The following PTPRD variants were observed in gnomAD, a reference collection of about 807,000 sequenced individuals.
The protein encoded by PTPRD is protein tyrosine phosphatase receptor type D.
In PTPRD, 34 loss-of-function variants were observed where a neutral mutation model predicts 214.5. The ratio of observed to expected loss-of-function variants is 0.16; its 90% CI spans 0.12 to 0.21. The LOEUF (loss-of-function observed/expected upper bound fraction) is 0.21, where lower values mean the gene tolerates loss of function less well. PTPRD is among the 10% of genes least tolerant of loss of function. The pLI is 1.00. For missense variants in PTPRD, 2,545 were observed against 2,398.7 expected, an observed-to-expected ratio of 1.06 and a Z score of -1.27; for synonymous variants, 1,128 against 845.7, an observed-to-expected ratio of 1.33 and a Z score of -5.79.
At chr9:10,068,137 G>C (rs2097917825) in intron 3 of PTPRD, among the ~76,000 whole-genome samples, 1 of 151,918 alleles carries the variant, frequency 6.6e-6, no homozygotes, top group Admixed American at 6.6e-5. Flanking sequence ...TGAGTTTATA[G>C]AGTTGTTTTT....
chr9:9,844,778 A>G (rs1484042725), intron 5 of PTPRD, among the ~76,000 whole-genome samples: 4 of 151,750 alleles, frequency 2.6e-5, no homozygotes, highest in Admixed American at 2.6e-4. Flanking sequence ...GAGTTTTAGA[A>G]TACTTAAAAC....
At position 8,317,767 on chromosome 9, in the gene PTPRD, G is replaced by C. The variant is rs931185981; in HGVS notation, c.*107C>G. ...TGTGTAATAGTCCCACTAAGTAGTTGTTAGCTAGAAGTTAAGAAGGACTTC... is the reference window on the plus strand; with the variant it reads ...TGTGTAATAGTCCCACTAAGTAGTTCTTAGCTAGAAGTTAAGAAGGACTTC... On this transcript the variant is annotated 3_prime_UTR_variant, in exon 46 of 46. Coordinates refer to ENST00000381196, the MANE Select transcript of PTPRD (RefSeq NM_002839.4). The C allele has an allele frequency of 8.7e-6, 8 of 915,298 alleles. No individual in the cohort carries two copies. The highest frequency in any genetic ancestry group is 4.4e-5 in the South Asian group (3 of 67,710). 56.7% of individuals were successfully genotyped at this position (915,298 alleles called of 1,614,324 possible).
chr9:8,707,206 A>T (rs2098228490), intron 12 of PTPRD, among the ~76,000 whole-genome samples: 1 of 152,206 alleles, frequency 6.6e-6, no homozygotes, highest in Non-Finnish European at 1.5e-5. Context: ...ACTGCCAGGG[A>T]TGTGGTCACT....
chr9:9,799,395 A>G (rs1457638140), intron 5 of PTPRD: 2 of 152,222 alleles, frequency 1.3e-5, no homozygotes, highest in East Asian at 3.8e-4. Flanking sequence ...TTCAGAGGAT[A>G]CTAAAGTTAT....
chr9:8,382,033 C>A (rs1056540005), intron 37 of PTPRD, among the ~76,000 whole-genome samples: 5 of 152,186 alleles, frequency 3.3e-5, no homozygotes, highest in African/African-American at 1.2e-4. Flanking sequence ...CCCCACATAG[C>A]CCTACAGCCA....
chr9:9,994,194 G>T (rs2096048627), intron 4 of PTPRD, among the ~76,000 whole-genome samples: 1 of 152,116 alleles, frequency 6.6e-6, no homozygotes, highest in African/African-American at 2.4e-5. Flanking sequence ...CTCTAGCAGG[G>T]ATTTGGGATT....
At chr9:9,103,396 T>C (rs1442837639) in intron 10 of PTPRD, among the ~76,000 whole-genome samples, 1 of 152,122 alleles carries the variant, frequency 6.6e-6, no homozygotes. Context: ...AGATCTCTGC[T>C]TGAGTTAGCA....
chr9:9,158,909 G>A (rs183108910), intron 10 of PTPRD, among the ~76,000 whole-genome samples: 5 of 152,214 alleles, frequency 3.3e-5, no homozygotes, highest in African/African-American at 9.6e-5. Context: ...TCAACATAAT[G>A]CAAATCAATA....
chr9:10,189,399 G>A (rs975980067), intron 3 of PTPRD, among the ~76,000 whole-genome samples: 6 of 152,156 alleles, frequency 3.9e-5, no homozygotes, highest in Non-Finnish European at 5.9e-5. Flanking sequence ...GGGGCTATCA[G>A]AGTAGAAAGA....
chr9:9,131,900 A>G (rs2099843270), intron 10 of PTPRD, among the ~76,000 whole-genome samples: 4 of 151,918 alleles, frequency 2.6e-5, no homozygotes, highest in South Asian at 2.1e-4. Context: ...AAGGCTTTTC[A>G]TGCTTTGTTG....
At chr9:9,435,154 A>G (rs1569568293) in intron 8 of PTPRD, among the ~76,000 whole-genome samples, 1 of 152,120 alleles carries the variant, frequency 6.6e-6, no homozygotes, top group East Asian at 1.9e-4. Context: ...TTTTTTGATC[A>G]TCTTGGCCCT....
At chr9:9,629,160 C>T (rs756571432) in intron 7 of PTPRD, among the ~76,000 whole-genome samples, 12 of 145,650 alleles carry the variant, frequency 8.2e-5, no homozygotes, top group African/African-American at 2.6e-4. Context: ...GGTGACAGAG[C>T]GAGACTCTGT....
chr9:8,419,257 A>G (rs912928905), intron 35 of PTPRD, among the ~76,000 whole-genome samples: 5 of 151,434 alleles, frequency 3.3e-5, no homozygotes, highest in Admixed American at 6.6e-5. Context: ...AAAAGAAAAG[A>G]AAAACAATAT....
intron 11 of PTPRD, among the ~76,000 whole-genome samples, chr9:8,782,701 A>G (rs769689649): frequency 4.0e-5 from 6 of 151,078 alleles, no homozygotes; most frequent in Non-Finnish European, 8.8e-5. Context: ...GAGTTCAAGC[A>G]ATTCTCCTGC....
intron 9 of PTPRD, among the ~76,000 whole-genome samples, chr9:9,389,874 T>C (rs1367447791): frequency 2.0e-5 from 3 of 152,220 alleles, no homozygotes; most frequent in South Asian, 4.1e-4. Flanking sequence ...TCCTTTCTTA[T>C]GGCTTCCCTA....
rs2096100737 is a variant in PTPRD, at chr9:8,454,518, G to A, written c.3876-4681C>T. The A allele has an allele frequency of 2.5e-6, 4 of 1,583,484 alleles. No individual in the cohort carries two copies. The Admixed American group carries it at 5.1e-5, about 20-fold the overall frequency. ...CCGCCCTCCCCTCTTCAACAACTCT[G>A]AAGTCTACCAGTTTATTTTTTTCTT... On this transcript the variant is annotated intron_variant, in intron 33 of 45. Transcript: ENST00000381196.
intron 2 of PTPRD, among the ~76,000 whole-genome samples, chr9:10,430,192 AG>A: frequency 6.6e-6 from 1 of 152,126 alleles, no homozygotes; most frequent in South Asian, 2.1e-4. Flanking sequence ...TAAGAAATTT[AG>A]AATATTTTTC....
Position 8,892,299 on chromosome 9 carries a change from T to G in PTPRD, c.-104+126398A>C, listed in dbSNP as rs552374351. The stretch of plus-strand genomic sequence containing the variant: ...CATTTGTGCCGATGGATATGGGGAG[T>G]CAGTGCAGGAGGAAAGAGGACCTTT... On this transcript the variant is annotated intron_variant, in intron 11 of 45. Transcript: ENST00000381196. Among the ~76,000 whole-genome samples, 3 of 152,116 alleles carry G rather than the reference T, an allele frequency of 2.0e-5. No individual in the cohort carries two copies. The South Asian group carries it at 6.2e-4, about 32-fold the overall frequency.
chr9:10,141,780 G>A (rs563563841), intron 3 of PTPRD, among the ~76,000 whole-genome samples: 1 of 152,170 alleles, frequency 6.6e-6, no homozygotes, highest in East Asian at 1.9e-4. Flanking sequence ...CCAAAAAAGA[G>A]CCCGCATTGC....
Sources: gnomAD v4.1 joint callset for allele counts (sites outside exome capture counted in the v4.1 genomes callset) on GRCh38, gnomAD v4.1.1 for gene constraint, MANE v1.5 for transcripts, NCBI Gene and HGNC (gene_info 2026-07-23, HGNC 2026-07-21) for gene names.